The following MED24 variants were observed in gnomAD, a reference collection of about 807,000 sequenced individuals.
MED24 encodes mediator complex subunit 24, also known as mediator of RNA polymerase II transcription subunit 24.
A neutral mutation model predicts 118.8 loss-of-function variants in MED24; 74 were observed. The ratio of observed to expected loss-of-function variants is 0.62; its 90% CI spans 0.52 to 0.76. The LOEUF (loss-of-function observed/expected upper bound fraction) is 0.76, where lower values mean the gene tolerates loss of function less well. MED24 is among the 30% of genes least tolerant of loss of function. The pLI, the probability that MED24 is intolerant of heterozygous loss-of-function variation, is 0.00. For missense variants in MED24, 1,041 were observed against 1,278.9 expected (o/e 0.81, Z 2.84); for synonymous variants, 521 against 523.9 (o/e 0.99, Z 0.08).
In MED24 at chr17:40,030,155, G is replaced by A. The variant is rs1427528176; in HGVS notation, c.1155-296C>T. Among the ~76,000 whole-genome samples the A allele has an allele frequency of 2.0e-5, 3 of 151,910 alleles. No homozygotes were observed. The East Asian group carries it at 5.8e-4, about 29-fold the overall frequency. ...AGCTGGGCGCTCACCACCACGCCTG[G>A]CTACTTTTTTGTATTTTTAGTAGAG... On this transcript the variant is annotated intron_variant, in intron 12 of 25. Coordinates refer to ENST00000394128, the MANE Select transcript of MED24 (RefSeq NM_014815.4).
chr17:40,041,101 A>G (rs185741416), intron 3 of MED24, among the ~76,000 whole-genome samples: 2 of 152,174 alleles, frequency 1.3e-5, no homozygotes, highest in East Asian at 3.9e-4. Context: ...TCCATTGACT[A>G]TTCAACGCAC....
Position 40,019,203 on chromosome 17 carries a change from C to CACACAA in MED24, c.*325_*326insTTGTGT. 3.3e-6 allele frequency: 1 copy of CACACAA among 301,824 alleles called. No homozygotes were observed. The highest frequency in any genetic ancestry group is 6.3e-6 in the Non-Finnish European group (1 of 158,832). The allele number at this position is 301,824 out of a possible 1,614,324, so 18.7% of individuals were successfully genotyped here. A position where few individuals can be genotyped will look rare whatever the true frequency, so the allele number is the denominator to read the frequency against. On this transcript the variant is annotated 3_prime_UTR_variant, in exon 26 of 26. Coordinates refer to ENST00000394128, the MANE Select transcript of MED24 (RefSeq NM_014815.4). ...ACACACACACACACACACACACACA[C>CACACAA]ATACACACTTTGCATCTAGAAAGTT...
At chr17:40,050,701 G>A (rs1281188962) in intron 3 of MED24, among the ~76,000 whole-genome samples, 1 of 152,168 alleles carries the variant, frequency 6.6e-6, no homozygotes. Context: ...TGAACTAACA[G>A]ACACTGGAGA....
intron 24 of MED24, 165 bp from the exon 25 acceptor site, chr17:40,020,098 G>GCCCCCCCACC: frequency 1.1e-6 from 1 of 951,328 alleles, no homozygotes; most frequent in Non-Finnish European, 1.6e-6. Flanking sequence ...GGGGAGGGGA[G>GCCCCCCCACC]GAGGGGGAAC....
chr17:40,046,130 G>A (rs1985160524), intron 3 of MED24, among the ~76,000 whole-genome samples: 1 of 144,522 alleles, frequency 6.9e-6, no homozygotes, highest in South Asian at 2.1e-4. Context: ...TGTTGCCCAG[G>A]CTGGAGCGCA....
At chr17:40,042,434 G>A (rs967355663) in intron 3 of MED24, among the ~76,000 whole-genome samples, 3 of 152,156 alleles carry the variant, frequency 2.0e-5, no homozygotes, top group Admixed American at 1.3e-4. Context: ...CAGCACTTTC[G>A]GAGGCTGAGA....
chr17:40,036,686 CAAAA>C (rs68118020), intron 3 of MED24, among the ~76,000 whole-genome samples: 22 of 91,400 alleles, frequency 2.4e-4, no homozygotes, highest in Admixed American at 2.2e-3. Flanking sequence ...GACTCTGTCT[CAAAA>C]AAAAAAAAAA....
At chr17:40,023,440 G>A in intron 19 of MED24, 45 bp from the exon 20 acceptor site, 2 of 1,525,356 alleles carry the variant, frequency 1.3e-6, no homozygotes, top group Non-Finnish European at 1.8e-6. Flanking sequence ...GCCACTGTAG[G>A]GTGGGGAGGG....
intron 3 of MED24, among the ~76,000 whole-genome samples, chr17:40,042,737 G>A (rs1164617968): frequency 2.0e-5 from 3 of 152,094 alleles, no homozygotes; most frequent in African/African-American, 7.2e-5. Flanking sequence ...ATGGACCCTT[G>A]TGTACAAGAG....
At chr17:40,035,574 G>C (rs1048584602) in intron 5 of MED24, 148 bp downstream of exon 5, 17 of 914,130 alleles carry the variant, frequency 1.9e-5, no homozygotes, top group Non-Finnish European at 2.8e-5. Context: ...AGTAAGAAAA[G>C]GAGGGCACAG....
In MED24 at chr17:40,053,638, T is replaced by C. The variant is rs371011703; in HGVS notation, c.-37-3A>G. The C allele has an allele frequency of 6.2e-7, 1 of 1,613,496 alleles. No homozygotes were observed. Among genetic ancestry groups the C allele is most frequent in the African/African-American group, 1.3e-5 (1 of 74,966 alleles). On this transcript the variant is annotated splice_polypyrimidine_tract_variant and splice_region_variant and intron_variant, in intron 1 of 25. Transcript: ENST00000394128. Reference sequence around the variant, plus strand: ...CAGGTGGCAGCGGTGGCGGCCAGCTTTGAGGTGAAAGAAATGGAGCTAAAG... The same window carrying C: ...CAGGTGGCAGCGGTGGCGGCCAGCTCTGAGGTGAAAGAAATGGAGCTAAAG...
intron 24 of MED24, 40 bp downstream of exon 24, chr17:40,020,233 A>C (rs770084996): frequency 6.8e-7 from 1 of 1,469,654 alleles, no homozygotes; most frequent in Non-Finnish European, 9.1e-7. Context: ...AGACTCGTCC[A>C]GCTTAGCCCC....
At chr17:40,036,232 T>C (rs2144925986) in intron 3 of MED24, 78 bp from the exon 4 acceptor site, 1 of 1,436,840 alleles carries the variant, frequency 7.0e-7, no homozygotes, top group East Asian at 2.3e-5. Flanking sequence ...ATGCTTCAAG[T>C]TGCTGCAGCT....
chr17:40,036,791 CTG>C (rs1983994865), intron 3 of MED24, among the ~76,000 whole-genome samples: 1 of 151,900 alleles, frequency 6.6e-6, no homozygotes, highest in South Asian at 2.1e-4. Context: ...AGCCATGTCA[CTG>C]TATTCCTACA....
intron 13 of MED24, among the ~76,000 whole-genome samples, 175 bp downstream of exon 13, chr17:40,029,573 G>T (rs562781507): frequency 2.0e-5 from 3 of 152,176 alleles, no homozygotes; most frequent in African/African-American, 7.2e-5. Context: ...AAGCTCCCAC[G>T]GGTTAGCATT....
chr17:40,032,506 G>T (rs1983506434), intron 9 of MED24, 143 bp downstream of exon 9: 2 of 645,258 alleles, frequency 3.1e-6, no homozygotes, highest in East Asian at 5.6e-5. Context: ...CAGAGAAAAT[G>T]ATCAATGGGA....
rs1249182272 is a variant in MED24 at position 40,021,950 on chromosome 17, C to A, written c.2623+5G>T. ...GAGCGGCGCGCGGCCAGCCCACACA[C>A]TCACTGGGGCTCGAAAGGATGTTGG... is the stretch of plus-strand genomic sequence containing the variant. On this transcript the variant is annotated splice_donor_5th_base_variant and intron_variant, in intron 23 of 25. Transcript: ENST00000394128. 6.3e-7 allele frequency: 1 copy of A among 1,588,180 alleles called. No homozygotes were observed. The highest frequency in any genetic ancestry group is 8.6e-7 in the Non-Finnish European group (1 of 1,165,730).
chr17:40,031,127 T>C (rs1443787259), intron 12 of MED24, 32 bp downstream of exon 12: 2 of 1,545,864 alleles, frequency 1.3e-6, no homozygotes, highest in Non-Finnish European at 1.8e-6. Flanking sequence ...GTCAAGGGGC[T>C]CTTGGGGTAG....
At chr17:40,040,227 C>T (rs537243483) in intron 3 of MED24, among the ~76,000 whole-genome samples, 26 of 151,964 alleles carry the variant, frequency 1.7e-4, no homozygotes, top group East Asian at 5.8e-4. Context: ...TACAGGCACG[C>T]GCCACCATGC....
Sources: allele counts gnomAD v4.1 joint callset (sites outside exome capture counted in the v4.1 genomes callset), GRCh38; gene constraint gnomAD v4.1.1; transcripts MANE v1.5; gene names NCBI Gene and HGNC (gene_info 2026-07-23, HGNC 2026-07-21).